The following ZCWPW1 variants were observed in gnomAD, a reference collection of about 807,000 sequenced individuals.
ZCWPW1 encodes the protein zinc finger CW-type PWWP domain protein 1.
A neutral mutation model predicts 81.3 loss-of-function variants in ZCWPW1; 56 were observed. The observed-to-expected ratio is 0.69, with a 90% confidence interval of 0.56 to 0.86. The LOEUF (loss-of-function observed/expected upper bound fraction) is 0.86, where lower values mean the gene tolerates loss of function less well. Among genes scored for constraint, ZCWPW1 ranks in the 40% least tolerant of loss-of-function variants. ZCWPW1 has a pLI of 0.00. For synonymous variants in ZCWPW1, 250 were observed against 273.7 expected (o/e 0.91, Z 0.86); for missense variants, 650 against 769.8 (o/e 0.84, Z 1.84).
chr7:100,419,584 A>G (rs774865344), intron 4 of ZCWPW1, 46 bp downstream of exon 4: 2 of 1,561,914 alleles, frequency 1.3e-6, no homozygotes, highest in East Asian at 4.5e-5. Flanking sequence ...GCCAGGGGTA[A>G]GGTATGAGAA....
rs564401384 is a variant in ZCWPW1, at chr7:100,420,126, T to C, written c.29-243A>G. 1.6e-3 allele frequency among the ~76,000 whole-genome samples: 238 copies of C among 152,318 alleles called. 1 individual carries two copies. Among genetic ancestry groups the C allele is most frequent in the African/African-American group, 5.4e-3 (223 of 41,568 alleles). ...AGTTGATTCTGATATACTGCCAGGT[T>C]TGGGAACCACTAAGTCAAAGGTGAT... On this transcript the variant is annotated intron_variant, in intron 3 of 17. Transcript: ENST00000684423.
At chr7:100,402,073 C>A (rs1403741632) in intron 16 of ZCWPW1, 32 bp from the exon 17 acceptor site, 2 of 1,580,380 alleles carry the variant, frequency 1.3e-6, no homozygotes, top group African/African-American at 1.4e-5. Flanking sequence ...TTATTTCTCT[C>A]TAAACGACAA....
At chr7:100,415,915 CCT>C in intron 8 of ZCWPW1, 58 bp downstream of exon 8, 1 of 1,606,744 alleles carries the variant, frequency 6.2e-7, no homozygotes, top group Non-Finnish European at 8.5e-7. Context: ...CCTAACCCTG[CCT>C]CTCTGCTCTA....
At chr7:100,408,869 T>TACA (rs1793603958) in intron 9 of ZCWPW1, among the ~76,000 whole-genome samples, 1 of 149,376 alleles carries the variant, frequency 6.7e-6, no homozygotes, top group Non-Finnish European at 1.5e-5. Flanking sequence ...CCAGCTGAAA[T>TACA]GCAGCTGGAG....
intron 15 of ZCWPW1, among the ~76,000 whole-genome samples, chr7:100,403,421 T>G (rs1225345875): frequency 6.6e-6 from 1 of 152,076 alleles, no homozygotes; most frequent in East Asian, 1.9e-4. Flanking sequence ...TTCACTGTGT[T>G]AGCCAGGATG....
chr7:100,402,102 A>AT, intron 16 of ZCWPW1, 61 bp from the exon 17 acceptor site: 1 of 1,541,912 alleles, frequency 6.5e-7, no homozygotes, highest in Non-Finnish European at 8.7e-7. Context: ...GGGCAGATGG[A>AT]CACTGCACAT....
chr7:100,415,756 C>T (rs1206287014), intron 8 of ZCWPW1, among the ~76,000 whole-genome samples: 1 of 152,208 alleles, frequency 6.6e-6, no homozygotes, highest in Non-Finnish European at 1.5e-5. Flanking sequence ...TGGGAAACAT[C>T]TAAAATGCTT....
chr7:100,427,901 TCCTC>T (rs1256016992), intron 1 of ZCWPW1, among the ~76,000 whole-genome samples: 3 of 150,648 alleles, frequency 2.0e-5, no homozygotes, highest in Non-Finnish European at 4.4e-5. Context: ...CTCCCTTCCT[TCCTC>T]CCACCATGAG....
intron 1 of ZCWPW1, among the ~76,000 whole-genome samples, chr7:100,428,261 C>A (rs1798105503): frequency 6.6e-6 from 1 of 152,186 alleles, no homozygotes; most frequent in Admixed American, 6.5e-5. Context: ...CAAGAAAAGG[C>A]ACGAGGACGC....
intron 10 of ZCWPW1, 118 bp downstream of exon 10, chr7:100,408,421 C>T (rs1156631679): frequency 7.2e-7 from 1 of 1,385,242 alleles, no homozygotes; most frequent in Non-Finnish European, 9.9e-7. Flanking sequence ...TCACCCCATG[C>T]TCTTTCTAAG....
chr7:100,405,032 G>A lies in ZCWPW1; in HGVS notation c.1235C>T (p.Ala412Val), dbSNP rs1420960740. The A allele has an allele frequency of 1.2e-6, 2 of 1,613,562 alleles. No individual in the cohort carries two copies. Among genetic ancestry groups the A allele is most frequent in the South Asian group, 1.1e-5 (1 of 91,076 alleles). ...LGVALMMAQE[A>V]EQISIQERVN... Reference sequence around the variant, plus strand: ...TCCCACCTGAATGCTGATCTGTTCTGCCTCTTGAGCCATCATCAGGGCCAC... The same window carrying A: ...TCCCACCTGAATGCTGATCTGTTCTACCTCTTGAGCCATCATCAGGGCCAC... Residue 412 changes from alanine to valine, a missense_variant, in exon 13 of 18, where the codon GCA becomes GTA. Physicochemically the swap from Ala to Val is moderately conservative, Grantham distance 64 (BLOSUM62 0). Coordinates refer to ENST00000684423, the MANE Select transcript of ZCWPW1 (RefSeq NM_001386010.1).
chr7:100,410,214 A>G (rs963342315), intron 8 of ZCWPW1, among the ~76,000 whole-genome samples: 11 of 151,902 alleles, frequency 7.2e-5, no homozygotes, highest in African/African-American at 2.7e-4. Flanking sequence ...CCTCTCTCCC[A>G]CCAAAACTCT....
Position 100,403,804 on chromosome 7 carries a change from G to A in ZCWPW1, c.1322-19C>T, listed in dbSNP as rs769466428. ...TGTAAGTCTAGAACAGGAAAAGGAA[G>A]GAAAGGCTAAATCATTCATACCATA... On this transcript the variant is annotated intron_variant, in intron 14 of 17. Transcript: ENST00000684423. The A allele has an allele frequency of 7.5e-6, 12 of 1,606,334 alleles. No individual in the cohort carries two copies. The highest frequency in any genetic ancestry group is 1.0e-5 in the Non-Finnish European group (12 of 1,173,516).
chr7:100,416,094 TCTTCTGGGAAG>T lies in ZCWPW1; in HGVS notation c.632-8_634del. On this transcript the variant is annotated splice_acceptor_variant and splice_polypyrimidine_tract_variant and coding_sequence_variant and intron_variant, in exon 8 of 18. Coordinates refer to ENST00000684423, the MANE Select transcript of ZCWPW1 (RefSeq NM_001386010.1). LOFTEE classifies it high-confidence loss of function. Reference sequence around the variant, plus strand: ...ACCTTGAGTTTTCTCCACCTTCTCATCTTCTGGGAAGAAAAAAGAAAACGTGAGGTGGGGAG... The same window carrying T: ...ACCTTGAGTTTTCTCCACCTTCTCATAAAAAAGAAAACGTGAGGTGGGGAG... 1 of 1,613,712 alleles carries T rather than the reference TCTTCTGGGAAG, an allele frequency of 6.2e-7. No homozygotes were observed.
Position 100,401,102 on chromosome 7 carries a change from T to C in ZCWPW1, c.1862A>G (p.Asp621Gly), listed in dbSNP as rs751703224. Reference protein sequence around the residue: ...SDLDLEQLMEDVGRELGQSGE... With the variant: ...SDLDLEQLMEGVGRELGQSGE... ...GCTCTGCCCCAGCTCTCTCCCAACATCTTCCATGAGTTGCTCCAGGTCCAG... is the reference window on the plus strand; with the variant it reads ...GCTCTGCCCCAGCTCTCTCCCAACACCTTCCATGAGTTGCTCCAGGTCCAG... The change falls in exon 18 of 18, where the codon GAT becomes GGT. Residue 621 changes from aspartate to glycine, a missense_variant. Asp to Gly is a moderately conservative substitution (Grantham distance 94). Transcript: ENST00000684423. 6.2e-7 allele frequency: 1 copy of C among 1,614,202 alleles called. No homozygotes were observed. The highest frequency in any genetic ancestry group is 8.5e-7 in the Non-Finnish European group (1 of 1,180,026).
chr7:100,414,335 G>A (rs141466171), intron 8 of ZCWPW1, among the ~76,000 whole-genome samples: 1 of 152,250 alleles, frequency 6.6e-6, no homozygotes, highest in Admixed American at 6.5e-5. Context: ...CTTAAAGTTG[G>A]AACTTGTTCT....
rs192669308 is a variant in ZCWPW1, at chr7:100,423,530, T to C, written c.-30+1500A>G. Among the ~76,000 whole-genome samples the C allele has an allele frequency of 9.8e-5, 15 of 152,302 alleles. No individual in the cohort carries two copies. In the East Asian group the frequency reaches 2.7e-3, roughly 27 times the overall value. ...TGGCCACAGCATGGCTAAATGTGAA[T>C]ACCCTTCAGCATTTTTCTCTTCCTT... On this transcript the variant is annotated intron_variant, in intron 2 of 17. Coordinates refer to ENST00000684423, the MANE Select transcript of ZCWPW1 (RefSeq NM_001386010.1).
At chr7:100,405,660 C>T (rs1298297350) in intron 12 of ZCWPW1, among the ~76,000 whole-genome samples, 2 of 152,132 alleles carry the variant, frequency 1.3e-5, no homozygotes, top group Non-Finnish European at 2.9e-5. Context: ...TGGAGACAGT[C>T]TCACTCTGTC....
chr7:100,404,515 C>T (rs1792576836), intron 13 of ZCWPW1, among the ~76,000 whole-genome samples: 1 of 152,122 alleles, frequency 6.6e-6, no homozygotes, highest in Admixed American at 6.6e-5. Flanking sequence ...CATGCACCAC[C>T]ATGCCTGGCT....
Sources: allele counts gnomAD v4.1 joint callset (sites outside exome capture counted in the v4.1 genomes callset), GRCh38; gene constraint gnomAD v4.1.1; transcripts MANE v1.5; gene names NCBI Gene and HGNC (gene_info 2026-07-23, HGNC 2026-07-21).